EFCAB6: variants seen among roughly 807,000 people sequenced by gnomAD.
EFCAB6 encodes EF-hand calcium-binding domain-containing protein 6.
A neutral mutation model predicts 169.8 loss-of-function variants in EFCAB6; 156 were observed. The ratio of observed to expected loss-of-function variants is 0.92; its 90% CI spans 0.81 to 1.05. The LOEUF is 1.05. Among genes scored for constraint, EFCAB6 ranks in the 50% least tolerant of loss-of-function variants. EFCAB6 has a pLI of 0.00. For synonymous variants in EFCAB6, 698 were observed against 676.4 expected, an observed-to-expected ratio of 1.03 and a Z score of -0.50; for missense variants, 1,800 against 1,829.1, an observed-to-expected ratio of 0.98 and a Z score of 0.29.
At chr22:43,731,580 C>T (rs1306784723) in intron 8 of EFCAB6, 119 bp downstream of exon 8, 3 of 567,986 alleles carry the variant, frequency 5.3e-6, no homozygotes, top group Non-Finnish European at 8.6e-6. Context: ...CCATGGCTAG[C>T]TTTGTAGATA....
At chr22:43,739,684 G>A (rs955142032) in intron 6 of EFCAB6, among the ~76,000 whole-genome samples, 2 of 152,012 alleles carry the variant, frequency 1.3e-5, no homozygotes, top group South Asian at 4.2e-4. Flanking sequence ...CCATTCTACT[G>A]GATTCCTTTT....
chr22:43,639,504 T>C (rs1196455402), intron 17 of EFCAB6, among the ~76,000 whole-genome samples: 1 of 152,254 alleles, frequency 6.6e-6, no homozygotes, highest in Non-Finnish European at 1.5e-5. Context: ...CCATTGTTTC[T>C]GGTGTGAGGC....
At chr22:43,585,199 T>C (rs2050979381) in intron 24 of EFCAB6, among the ~76,000 whole-genome samples, 2 of 152,122 alleles carry the variant, frequency 1.3e-5, no homozygotes, top group Admixed American at 6.5e-5. Context: ...ATATGTAAAG[T>C]GTTCTTATGG....
chr22:43,725,208 T>C (rs2059684021), intron 8 of EFCAB6, among the ~76,000 whole-genome samples: 1 of 150,450 alleles, frequency 6.6e-6, no homozygotes, highest in Non-Finnish European at 1.5e-5. Flanking sequence ...TGGCACAATC[T>C]TGGCTCATTG....
At chr22:43,638,425 G>A (rs1261782318) in intron 17 of EFCAB6, among the ~76,000 whole-genome samples, 8 of 152,112 alleles carry the variant, frequency 5.3e-5, no homozygotes, top group Non-Finnish European at 1.5e-5. Flanking sequence ...TCGTCACTCC[G>A]GCCATCCCTG....
chr22:43,730,647 C>T (rs2147609179), intron 8 of EFCAB6, among the ~76,000 whole-genome samples: 1 of 152,288 alleles, frequency 6.6e-6, no homozygotes, highest in African/African-American at 2.4e-5. Flanking sequence ...CGGAGAGATG[C>T]CAAGAACCCT....
intron 26 of EFCAB6, among the ~76,000 whole-genome samples, chr22:43,571,319 G>T (rs1240056387): frequency 6.6e-6 from 1 of 152,116 alleles, no homozygotes; most frequent in Admixed American, 6.5e-5. Flanking sequence ...TTTGGCTGGG[G>T]ATTACTCACG....
At chr22:43,608,910 C>T (rs914389378) in intron 21 of EFCAB6, among the ~76,000 whole-genome samples, 3 of 152,044 alleles carry the variant, frequency 2.0e-5, no homozygotes, top group Non-Finnish European at 4.4e-5. Flanking sequence ...CAACCAGAGC[C>T]CAGGAAATGA....
At chr22:43,687,422 A>G (rs1355758776) in intron 11 of EFCAB6, 49 bp downstream of exon 11, 1 of 1,093,218 alleles carries the variant, frequency 9.1e-7, no homozygotes, top group Non-Finnish European at 1.3e-6. Context: ...TATTTTACAT[A>G]TTATGATATG....
intron 13 of EFCAB6, among the ~76,000 whole-genome samples, chr22:43,675,445 T>C (rs907894708): frequency 9.0e-6 from 1 of 111,390 alleles, no homozygotes; most frequent in African/African-American, 3.3e-5. Context: ...GATTATAATA[T>C]AGTATAATAT....
chr22:43,695,385 G>C (rs779629048), intron 10 of EFCAB6, among the ~76,000 whole-genome samples: 1 of 151,970 alleles, frequency 6.6e-6, no homozygotes, highest in Non-Finnish European at 1.5e-5. Context: ...TGTTTATGGA[G>C]TGGAAAACAA....
chr22:43,772,133 T>C (rs1206561140), intron 4 of EFCAB6, among the ~76,000 whole-genome samples: 1 of 152,108 alleles, frequency 6.6e-6, no homozygotes, highest in Non-Finnish European at 1.5e-5. Flanking sequence ...GTGGCCCCTC[T>C]CCCAGCACTT....
At chr22:43,645,447 T>C (rs917006237) in intron 17 of EFCAB6, among the ~76,000 whole-genome samples, 6 of 152,210 alleles carry the variant, frequency 3.9e-5, no homozygotes, top group Non-Finnish European at 5.9e-5. Flanking sequence ...ATTTAGAGAG[T>C]TGGACCACTA....
intron 25 of EFCAB6, among the ~76,000 whole-genome samples, chr22:43,577,257 G>A (rs2050319556): frequency 6.6e-6 from 1 of 152,124 alleles, no homozygotes; most frequent in Non-Finnish European, 1.5e-5. Flanking sequence ...ATTACACCAG[G>A]AAATCTGCAT....
intron 6 of EFCAB6, among the ~76,000 whole-genome samples, chr22:43,736,261 AT>A (rs2147675655): frequency 6.6e-6 from 1 of 152,288 alleles, no homozygotes; most frequent in East Asian, 1.9e-4. Flanking sequence ...CTCATACACA[AT>A]TCATTCCCTT....
At position 43,675,458 on chromosome 22, in the gene EFCAB6, G is replaced by GAT. The variant is rs1556032228; in HGVS notation, c.1419+2536_1419+2537dup. Among the ~76,000 whole-genome samples the GAT allele has an allele frequency of 2.1e-3, 265 of 128,392 alleles. 1 individual carries two copies. The highest frequency in any genetic ancestry group is 7.6e-3 in the African/African-American group (258 of 33,872). 84.2% of individuals were successfully genotyped at this position (128,392 alleles called of 152,430 possible). A position where few individuals can be genotyped will look rare whatever the true frequency, so the allele number is the denominator to read the frequency against. On this transcript the variant is annotated intron_variant, in intron 13 of 31. Coordinates refer to ENST00000262726, the MANE Select transcript of EFCAB6 (RefSeq NM_022785.4). ...AGGATTATAATATAGTATAATATATGATATAATATATAATATAATATGTAA... is the reference window on the plus strand; with the variant it reads ...AGGATTATAATATAGTATAATATATGATATATAATATATAATATAATATGTAA...
At chr22:43,712,117 C>T (rs5764225) in intron 9 of EFCAB6, among the ~76,000 whole-genome samples, 118,702 of 151,954 alleles carry the variant, frequency 0.78, 46,508 homozygotes, top group East Asian at 0.86. Context: ...CTTTAATCAT[C>T]CTTTTCTTTT....
At chr22:43,565,786 C>T (rs2049384171) in intron 26 of EFCAB6, among the ~76,000 whole-genome samples, 2 of 151,310 alleles carry the variant, frequency 1.3e-5, no homozygotes, top group South Asian at 4.2e-4. Flanking sequence ...AAACTTCACA[C>T]AGAATAAGAA....
intron 26 of EFCAB6, among the ~76,000 whole-genome samples, chr22:43,563,707 G>C (rs1221910657): frequency 6.6e-6 from 1 of 152,214 alleles, no homozygotes; most frequent in Non-Finnish European, 1.5e-5. Context: ...GCAGGAGTTG[G>C]GAACTCAGAC....
Sources: gnomAD v4.1 joint callset for allele counts (sites outside exome capture counted in the v4.1 genomes callset) on GRCh38, gnomAD v4.1.1 for gene constraint, MANE v1.5 for transcripts, NCBI Gene and HGNC (gene_info 2026-07-23, HGNC 2026-07-21) for gene names.